SIMC1: variants seen among roughly 807,000 people sequenced by gnomAD.
SIMC1 encodes the protein SUMO-interacting motif-containing protein 1.
In SIMC1, 55 loss-of-function variants were observed where a neutral mutation model predicts 82.3. That is an observed-to-expected ratio of 0.67 (90% CI 0.54 to 0.84). The LOEUF (loss-of-function observed/expected upper bound fraction) is 0.84, where lower values mean the gene tolerates loss of function less well. SIMC1 is among the 40% of genes least tolerant of loss of function. SIMC1 has a pLI of 0.00. For synonymous variants in SIMC1, 353 were observed against 426.3 expected (o/e 0.83, Z 2.12); for missense variants, 915 against 1,107.2 (o/e 0.83, Z 2.46).
chr5:176,332,902 T>G (rs1330722890), intron 7 of SIMC1, among the ~76,000 whole-genome samples: 1 of 152,222 alleles, frequency 6.6e-6, no homozygotes, highest in Non-Finnish European at 1.5e-5. Flanking sequence ...ATTGCTCTTC[T>G]TGCCTTTTTA....
chr5:176,332,385 G>C (rs1013685448), intron 7 of SIMC1, among the ~76,000 whole-genome samples: 1 of 152,072 alleles, frequency 6.6e-6, no homozygotes, highest in African/African-American at 2.4e-5. Context: ...CCGCCTCCCG[G>C]GTTCAAGAGA....
At chr5:176,324,600 C>T (rs547203363) in intron 6 of SIMC1, 29 bp from the exon 7 acceptor site, 5 of 1,605,910 alleles carry the variant, frequency 3.1e-6, no homozygotes, top group African/African-American at 2.7e-5. Context: ...GACCCTCACA[C>T]TCATCTGTGT....
chr5:176,320,669 G>A (rs887344983), intron 5 of SIMC1, among the ~76,000 whole-genome samples: 4 of 151,852 alleles, frequency 2.6e-5, no homozygotes, highest in Admixed American at 2.6e-4. Context: ...ATGCCTGGCC[G>A]CCACCTACAT....
chr5:176,269,747 A>G (rs531444527), intron 1 of SIMC1, among the ~76,000 whole-genome samples: 1 of 152,180 alleles, frequency 6.6e-6, no homozygotes, highest in South Asian at 2.1e-4. Context: ...ATAAACATGC[A>G]AATTTTTTTT....
At chr5:176,291,423 G>C (rs1367637012) in intron 2 of SIMC1, among the ~76,000 whole-genome samples, 2 of 140,802 alleles carry the variant, frequency 1.4e-5, no homozygotes, top group Non-Finnish European at 3.0e-5. Flanking sequence ...TGCAAGCTCC[G>C]CCTCCCGGGT....
At position 176,290,174 on chromosome 5, in the gene SIMC1, A is replaced by G. The variant is rs1390464575; in HGVS notation, c.650A>G (p.Gln217Arg). The change falls in exon 2 of 10, where the codon CAG becomes CGG. Residue 217 changes from glutamine (Q) to arginine (R), a missense_variant. Gln to Arg is a conservative substitution (Grantham distance 43). Transcript: ENST00000429602. ...CPQQDVSRPP[Q>R]ALPCPLRPLP... is the part of the protein sequence containing the mutation. ...CAGCAAGATGTATCTCGCCCACCAC[A>G]GGCCTTGCCGTGCCCCCTGCGACCT... 31 of 1,612,010 alleles carry G rather than the reference A, an allele frequency of 1.9e-5. No homozygotes were observed. The highest frequency in any genetic ancestry group is 2.3e-5 in the Non-Finnish European group (27 of 1,179,224).
At chr5:176,342,913 C>G (rs1256429270) in intron 9 of SIMC1, among the ~76,000 whole-genome samples, 1 of 152,208 alleles carries the variant, frequency 6.6e-6, no homozygotes. Flanking sequence ...GCCCAAGGCT[C>G]TAAATTCCAC....
chr5:176,336,386 T>C (rs1765894813), intron 7 of SIMC1, among the ~76,000 whole-genome samples: 1 of 152,228 alleles, frequency 6.6e-6, no homozygotes, highest in Non-Finnish European at 1.5e-5. Flanking sequence ...ATCTTAATAT[T>C]CCTTGTTGTG....
chr5:176,308,581 TC>T (rs1449248270), intron 4 of SIMC1: 1 of 1,589,186 alleles, frequency 6.3e-7, no homozygotes, highest in African/African-American at 1.3e-5. Flanking sequence ...TACACTTGCT[TC>T]CAATCCATAC....
chr5:176,332,523 C>G (rs1765710645), intron 7 of SIMC1, among the ~76,000 whole-genome samples: 1 of 152,150 alleles, frequency 6.6e-6, no homozygotes, highest in South Asian at 2.1e-4. Flanking sequence ...CTCCCGACCT[C>G]AGGTTATCCA....
chr5:176,345,794 C>T lies in SIMC1; in HGVS notation c.*349C>T, dbSNP rs921335310. The T allele has an allele frequency of 2.6e-5, 4 of 154,400 alleles. No homozygotes were observed. The highest frequency in any genetic ancestry group is 9.6e-5 in the African/African-American group (4 of 41,496). The allele number at this position is 154,400 out of a possible 1,614,324, so 9.6% of individuals were successfully genotyped here. A position where few individuals can be genotyped will look rare whatever the true frequency, so the allele number is the denominator to read the frequency against. ...CCTAGTCTATACACCAATATTATGTCATTCAAGGTACCGACAACCTGTTTC... is the reference window on the plus strand; with the variant it reads ...CCTAGTCTATACACCAATATTATGTTATTCAAGGTACCGACAACCTGTTTC... On this transcript the variant is annotated 3_prime_UTR_variant, in exon 10 of 10. Transcript: ENST00000429602.
At chr5:176,256,742 C>A (rs1475776829) in intron 1 of SIMC1, among the ~76,000 whole-genome samples, 2 of 151,958 alleles carry the variant, frequency 1.3e-5, no homozygotes, top group Admixed American at 6.6e-5. Flanking sequence ...ATCTTTTCTC[C>A]AATTATTTGT....
intron 4 of SIMC1, among the ~76,000 whole-genome samples, chr5:176,312,118 G>A (rs974738812): frequency 2.0e-5 from 3 of 152,188 alleles, no homozygotes; most frequent in African/African-American, 4.8e-5. Context: ...CATAATAAAA[G>A]CCTATTTCTT....
Position 176,277,508 on chromosome 5 carries a change from C to G in SIMC1, c.130-12146C>G, listed in dbSNP as rs1035191869. On this transcript the variant is annotated intron_variant, in intron 1 of 9. Coordinates refer to ENST00000429602, the MANE Select transcript of SIMC1 (RefSeq NM_001308195.2). The stretch of plus-strand genomic sequence containing the variant: ...TTGCCATTGCTTTTGGTGTTTTAGA[C>G]GTGAAGTCCTTGCCCATGCCTATGT... 2.6e-5 allele frequency among the ~76,000 whole-genome samples: 4 copies of G among 152,000 alleles called. No individual in the cohort carries two copies. The South Asian group carries it at 8.3e-4, about 32-fold the overall frequency.
chr5:176,319,477 G>A (rs941677605), intron 5 of SIMC1, among the ~76,000 whole-genome samples: 3 of 152,042 alleles, frequency 2.0e-5, no homozygotes, highest in Non-Finnish European at 4.4e-5. Context: ...AGTGAGCTGT[G>A]ATGGCACCAC....
At chr5:176,309,683 C>T (rs1200657082) in intron 4 of SIMC1, among the ~76,000 whole-genome samples, 1 of 152,188 alleles carries the variant, frequency 6.6e-6, no homozygotes, top group Admixed American at 6.5e-5. Flanking sequence ...TGCTTGTAAT[C>T]TCACCACTTT....
chr5:176,344,930 G>T (rs1246630676), intron 9 of SIMC1, among the ~76,000 whole-genome samples: 1 of 152,048 alleles, frequency 6.6e-6, no homozygotes, highest in Non-Finnish European at 1.5e-5. Context: ...ACCATGTTAT[G>T]TGATCATAAA....
chr5:176,287,495 C>T lies in SIMC1; in HGVS notation c.130-2159C>T, dbSNP rs928989630. Among the ~76,000 whole-genome samples the T allele has an allele frequency of 1.1e-4, 17 of 151,820 alleles. 1 individual carries two copies. The highest frequency in any genetic ancestry group is 4.2e-4 in the South Asian group (2 of 4,800). On this transcript the variant is annotated intron_variant, in intron 1 of 9. Coordinates refer to ENST00000429602, the MANE Select transcript of SIMC1 (RefSeq NM_001308195.2). ...GGGCCTGTAGTGGGGTGGGTGGCTACGGGAGGGATAGCATTAGGAGATATA... is the reference window on the plus strand; with the variant it reads ...GGGCCTGTAGTGGGGTGGGTGGCTATGGGAGGGATAGCATTAGGAGATATA...
intron 1 of SIMC1, among the ~76,000 whole-genome samples, chr5:176,250,938 T>C (rs1362283422): frequency 6.6e-6 from 1 of 152,236 alleles, no homozygotes; most frequent in African/African-American, 2.4e-5. Context: ...AGTCTTTTAA[T>C]TGGGGCATTT....
Sources: gnomAD v4.1 joint callset for allele counts (sites outside exome capture counted in the v4.1 genomes callset) on GRCh38, gnomAD v4.1.1 for gene constraint, MANE v1.5 for transcripts, NCBI Gene and HGNC (gene_info 2026-07-23, HGNC 2026-07-21) for gene names.